Variants in ARAP3 observed in about 807,000 individuals in gnomAD.
ARAP3 encodes arf-GAP with Rho-GAP domain, ANK repeat and PH domain-containing protein 3.
In ARAP3, 82 loss-of-function variants were observed where a neutral mutation model predicts 169.2. That is an observed-to-expected ratio of 0.48 (90% confidence interval 0.41 to 0.58). The LOEUF (loss-of-function observed/expected upper bound fraction) is 0.58. Ranked by LOEUF, ARAP3 falls within the 20% of genes least tolerant of loss-of-function variation. The pLI is 0.00. For synonymous variants in ARAP3, 791 were observed against 800.3 expected, an observed-to-expected ratio of 0.99 and a Z score of 0.20; for missense variants, 1,764 against 2,018.0, an observed-to-expected ratio of 0.87 and a Z score of 2.41.
intron 5 of ARAP3, 53 bp downstream of exon 5, chr5:141,673,552 G>A (rs1394039738): frequency 8.7e-6 from 14 of 1,611,950 alleles, no homozygotes; most frequent in East Asian, 6.7e-5. Context: ...ACTTTCCCGC[G>A]CAACCACCTC....
chr5:141,653,898 AAG>A lies in ARAP3; in HGVS notation c.*50_*51del. On this transcript the variant is annotated 3_prime_UTR_variant, in exon 33 of 33. Transcript: ENST00000239440. ...GAGGAAGCTGCAACAGTGCCACGAT[AAG>A]AGTTTCTGGGTCTTCTGGTACCTAC... 2 of 1,506,096 alleles carry A rather than the reference AAG, an allele frequency of 1.3e-6. No individual in the cohort carries two copies. The highest frequency in any genetic ancestry group is 1.8e-6 in the Non-Finnish European group (2 of 1,129,208). The allele number at this position is 1,506,096 out of a possible 1,614,324, so 93.3% of individuals were successfully genotyped here. A position where few individuals can be genotyped will look rare whatever the true frequency, so the allele number is the denominator to read the frequency against.
intron 4 of ARAP3, among the ~76,000 whole-genome samples, chr5:141,678,408 C>T (rs1442862163): frequency 5.9e-5 from 9 of 152,186 alleles, no homozygotes; most frequent in Non-Finnish European, 2.9e-5. Flanking sequence ...CTTGCCCTAC[C>T]GGGGCACTCT....
Position 141,653,694 on chromosome 5 carries a change from A to T in ARAP3, c.*256T>A. 1 of 384,374 alleles carries T rather than the reference A, an allele frequency of 2.6e-6. No individual in the cohort carries two copies. The highest frequency in any genetic ancestry group is 4.6e-6 in the Non-Finnish European group (1 of 218,090). 23.8% of individuals were successfully genotyped at this position (384,374 alleles called of 1,614,324 possible). ...GATAATATGTGGGGCTTATGGCTCTAAGAAACACAGTTTGACATTCACTGC... is the reference window on the plus strand; with the variant it reads ...GATAATATGTGGGGCTTATGGCTCTTAGAAACACAGTTTGACATTCACTGC... On this transcript the variant is annotated 3_prime_UTR_variant, in exon 33 of 33. Coordinates refer to ENST00000239440, the MANE Select transcript of ARAP3 (RefSeq NM_022481.6).
In ARAP3 at chr5:141,673,794, T is replaced by C; in HGVS notation, c.713A>G (p.Asp238Gly). 1 of 1,614,010 alleles carries C rather than the reference T, an allele frequency of 6.2e-7. No homozygotes were observed. The highest frequency in any genetic ancestry group is 8.5e-7 in the Non-Finnish European group (1 of 1,180,002). Residue 238 changes from aspartate to glycine, a missense_variant, in exon 5 of 33, where the codon GAT becomes GGT. This residue lies in a region of ARAP3 where 630 missense variants were observed against 678.7 expected (regional missense o/e 0.93). Coordinates refer to ENST00000239440, the MANE Select transcript of ARAP3 (RefSeq NM_022481.6). ...GRAEHRLSRQ[D>G]LEAREDAGYA... is the part of the protein sequence containing the mutation. ...GCCAGCATCCTCCCGTGCCTCCAGA[T>C]CCTGTCTGCTGAGCCTTGTGGGGGC...
At position 141,671,291 on chromosome 5, in the gene ARAP3, C is replaced by T. The variant is rs921194770; in HGVS notation, c.1964G>A (p.Gly655Asp). ...EEPWFPPAPD[G>D]SCPGLLPSDP... ...TGAGGGCAAGAGGCCAGGGCAGCTG[C>T]CATCAGGGGCTGGGGGGAACCAGGG... The change falls in exon 13 of 33, where the codon GGC (glycine) becomes GAC (aspartate). Residue 655 changes from glycine to aspartate, a missense_variant. Coordinates refer to ENST00000239440, the MANE Select transcript of ARAP3 (RefSeq NM_022481.6). This position sits in a 1 kb window ranked among gnomAD's most constrained non-coding sequence, Gnocchi z 4.9. 6.2e-7 allele frequency: 1 copy of T among 1,612,122 alleles called. No homozygotes were observed. The highest frequency in any genetic ancestry group is 8.5e-7 in the Non-Finnish European group (1 of 1,179,102).
At chr5:141,659,623 G>A in intron 22 of ARAP3, 147 bp from the exon 23 acceptor site, 1 of 1,332,146 alleles carries the variant, frequency 7.5e-7, no homozygotes. Context: ...GAAGTTGTGG[G>A]AGAAGAAGGG....
At chr5:141,681,099 C>T (rs910029249) in intron 1 of ARAP3, among the ~76,000 whole-genome samples, 12 of 152,152 alleles carry the variant, frequency 7.9e-5, no homozygotes, top group African/African-American at 2.9e-4. Context: ...CCTTCCTGTC[C>T]CTCCAGCCCT....
chr5:141,661,764 C>T lies in ARAP3; in HGVS notation c.3039G>A (p.Leu1013=), dbSNP rs775891883. 4.3e-6 allele frequency: 7 copies of T among 1,614,214 alleles called. No homozygotes were observed. In the East Asian group the frequency reaches 1.6e-4, roughly 36 times the overall value. The change falls in exon 21 of 33, where the codon CTG becomes CTA. Residue 1013 remains leucine, a synonymous_variant. Coordinates refer to ENST00000239440, the MANE Select transcript of ARAP3 (RefSeq NM_022481.6). ...AAELPQKNQR[L]EKYKDVIGCL... ...AGCCAATCACATCTTTATATTTCTC[C>T]AGGCGCTGATTCTTCTGGGGCAGCT...
At position 141,680,500 on chromosome 5, in the gene ARAP3, A is replaced by G; in HGVS notation, c.-14T>C. On this transcript the variant is annotated 5_prime_UTR_variant, in exon 2 of 33. The change abolishes an upstream ATG in the 5' untranslated region. Coordinates refer to ENST00000239440, the MANE Select transcript of ARAP3 (RefSeq NM_022481.6). ...AGGGGCAGCCATGGGGGCTCAGGCC[A>G]TTGCTGGGGGGAGGGGCAGGGTGAA... 1 of 1,576,216 alleles carries G rather than the reference A, an allele frequency of 6.3e-7. No homozygotes were observed. Among genetic ancestry groups the G allele is most frequent in the East Asian group, 2.3e-5 (1 of 44,416 alleles).
At chr5:141,676,297 G>A (rs1321693037) in intron 4 of ARAP3, among the ~76,000 whole-genome samples, 2 of 151,648 alleles carry the variant, frequency 1.3e-5, no homozygotes, top group African/African-American at 4.9e-5. Flanking sequence ...GCAATGAGCC[G>A]AGATCACACC....
In ARAP3 at chr5:141,669,729, A is replaced by G; in HGVS notation, c.2332T>C (p.Trp778Arg). The G allele has an allele frequency of 6.2e-7, 1 of 1,614,084 alleles. No individual in the cohort carries two copies. Among genetic ancestry groups the G allele is most frequent in the Non-Finnish European group, 8.5e-7 (1 of 1,179,962 alleles). ...CTCACCTTGCCCACAGCACTAGTCCAGGCCTCCAGACTGTCAGCTCCATCT... is the reference window on the plus strand; with the variant it reads ...CTCACCTTGCCCACAGCACTAGTCCGGGCCTCCAGACTGTCAGCTCCATCT... ...GTDGADSLEA[W>R]TSAVGKWFSP... Residue 778 changes from tryptophan (W) to arginine (R), a missense_variant, in exon 16 of 33, where the codon TGG (tryptophan) becomes CGG (arginine). Transcript: ENST00000239440.
At chr5:141,674,441 A>G (rs2099911881) in intron 4 of ARAP3, among the ~76,000 whole-genome samples, 1 of 151,906 alleles carries the variant, frequency 6.6e-6, no homozygotes, top group Admixed American at 6.5e-5. Flanking sequence ...TATTTTTAGT[A>G]GAGATGAGGT....
chr5:141,665,170 G>T, intron 18 of ARAP3, 85 bp from the exon 19 acceptor site: 1 of 1,563,152 alleles, frequency 6.4e-7, no homozygotes, highest in South Asian at 1.2e-5. Flanking sequence ...ACCAGCAGAG[G>T]GCAGCAACAC....
At position 141,679,946 on chromosome 5, in the gene ARAP3, GA is replaced by G; in HGVS notation, c.524+16del. On this transcript the variant is annotated intron_variant, in intron 2 of 32. Transcript: ENST00000239440. The stretch of plus-strand genomic sequence containing the variant: ...ACTCCTCCCAGCATCAGTCCCTAGG[GA>G]GCCAACTCCACTCACTTGTCCTGAG... 1 of 1,613,948 alleles carries G rather than the reference GA, an allele frequency of 6.2e-7. No individual in the cohort carries two copies. The highest frequency in any genetic ancestry group is 8.5e-7 in the Non-Finnish European group (1 of 1,179,938).
chr5:141,661,814 G>T (rs1446385963), intron 20 of ARAP3, 25 bp from the exon 21 acceptor site: 1 of 1,611,352 alleles, frequency 6.2e-7, no homozygotes, highest in African/African-American at 1.3e-5. Context: ...GAGGAGGGTT[G>T]GGGAGGACCC....
Position 141,673,028 on chromosome 5 carries a change from G to C in ARAP3, c.1078C>G (p.Arg360Gly), listed in dbSNP as rs1014644445. ...VITGQRVFVF[R>G]TESEAQRDMW... is the part of the protein sequence containing the mutation. The stretch of plus-strand genomic sequence containing the variant: ...TGGCCCTCACCCTCGCTCTCTGTGC[G>C]GAACACGAACACCCTCTGGCCGGTG... Residue 360 changes from arginine to glycine, a missense_variant, in exon 7 of 33, where the codon CGC becomes GGC. Arg to Gly is a moderately radical substitution (Grantham distance 125). Coordinates refer to ENST00000239440, the MANE Select transcript of ARAP3 (RefSeq NM_022481.6). The C allele has an allele frequency of 1.9e-6, 3 of 1,614,132 alleles. No homozygotes were observed. The highest frequency in any genetic ancestry group is 1.7e-5 in the Admixed American group (1 of 60,026).
chr5:141,666,384 G>T, intron 17 of ARAP3, 40 bp downstream of exon 17: 1 of 1,451,228 alleles, frequency 6.9e-7, no homozygotes, highest in Non-Finnish European at 9.1e-7. Flanking sequence ...CACCCGCATG[G>T]CCACCCTTCA....
At position 141,654,158 on chromosome 5, in the gene ARAP3, TG is replaced by T. The variant is rs1165305797; in HGVS notation, c.4426del (p.Gln1476ArgfsTer6). On this transcript the variant is annotated frameshift_variant, in exon 33 of 33. Transcript: ENST00000239440. LOFTEE classifies it high-confidence loss of function. The part of the protein sequence containing the change: ...PPGPPSKSSP[Q>X]ARGSLEEQLL... ...CTGTTCCTCTAGGGACCCCCGTGCC[TG>T]GGGACTGCTCTTTGAAGGGGGGCCT... is the stretch of plus-strand genomic sequence containing the variant. 2.5e-6 allele frequency: 4 copies of T among 1,600,866 alleles called. No individual in the cohort carries two copies. Among genetic ancestry groups the T allele is most frequent in the South Asian group, 1.1e-5 (1 of 90,948 alleles).
At chr5:141,674,996 C>T (rs1051320527) in intron 4 of ARAP3, among the ~76,000 whole-genome samples, 1 of 152,220 alleles carries the variant, frequency 6.6e-6, no homozygotes, top group Non-Finnish European at 1.5e-5. Context: ...TTAGGTTAAA[C>T]CCAAATTCCA....
Sources: allele counts gnomAD v4.1 joint callset (sites outside exome capture counted in the v4.1 genomes callset), GRCh38; gene constraint gnomAD v4.1.1; regional missense constraint gnomAD v4.1.1; non-coding constraint Gnocchi (gnomAD v3.1); transcripts MANE v1.5; gene names NCBI Gene and HGNC (gene_info 2026-07-23, HGNC 2026-07-21).